CHN2: variants seen among roughly 807,000 people sequenced by gnomAD.
The protein encoded by CHN2 is chimerin 2.
In CHN2, 35 loss-of-function variants were observed where a neutral mutation model predicts 56.3. The observed-to-expected ratio is 0.62, with a 90% CI of 0.47 to 0.82. The LOEUF (loss-of-function observed/expected upper bound fraction) is 0.82. Among genes scored for constraint, CHN2 ranks in the 40% least tolerant of loss-of-function variants. The probability of loss-of-function intolerance (pLI) is 0.00; values close to 1 mark genes in which losing one functional copy is unlikely to be tolerated. For synonymous variants in CHN2, 210 were observed against 212.8 expected (o/e 0.99, Z 0.12); for missense variants, 491 against 580.5 (o/e 0.85, Z 1.58).
intron 6 of CHN2, among the ~76,000 whole-genome samples, chr7:29,443,519 G>C (rs1783823456): frequency 6.6e-6 from 1 of 152,136 alleles, no homozygotes; most frequent in Non-Finnish European, 1.5e-5. Flanking sequence ...CTATGTGTGT[G>C]TGTGTATATA....
chr7:29,309,102 T>C (rs145737855), intron 1 of CHN2, among the ~76,000 whole-genome samples: 1 of 152,340 alleles, frequency 6.6e-6, no homozygotes, highest in African/African-American at 2.4e-5. Flanking sequence ...GGGTATCCAC[T>C]ATTATAGCAA....
chr7:29,352,474 C>A (rs1215289466), intron 1 of CHN2, among the ~76,000 whole-genome samples: 1 of 152,142 alleles, frequency 6.6e-6, no homozygotes, highest in East Asian at 1.9e-4. Context: ...GTAATCCCAG[C>A]ACTTTGAGAG....
chr7:29,299,607 G>A (rs1022646937), intron 1 of CHN2, among the ~76,000 whole-genome samples: 5 of 149,296 alleles, frequency 3.3e-5, no homozygotes, highest in Non-Finnish European at 7.4e-5. Flanking sequence ...TAATAGTTCT[G>A]GAAAGCACAA....
chr7:29,407,332 G>T (rs958217142), intron 6 of CHN2, among the ~76,000 whole-genome samples: 5 of 151,984 alleles, frequency 3.3e-5, no homozygotes, highest in Admixed American at 2.0e-4. Context: ...TGTGGAGGGG[G>T]TCTTGGTCCT....
chr7:29,412,320 CTTTTTTTTTTT>C (rs1158746299), intron 6 of CHN2, among the ~76,000 whole-genome samples: 5 of 69,502 alleles, frequency 7.2e-5, no homozygotes, highest in East Asian at 5.1e-4. Context: ...GCTAAAGAGT[CTTTTTTTTTTT>C]TTTTTTTTTT....
At chr7:29,499,680 A>T (rs1372171980) in intron 8 of CHN2, among the ~76,000 whole-genome samples, 187 bp from the exon 9 acceptor site, 1 of 152,230 alleles carries the variant, frequency 6.6e-6, no homozygotes, top group African/African-American at 2.4e-5. Context: ...ATGGAATCAT[A>T]TAAGGGTTTA....
At chr7:29,412,513 G>A (rs556238020) in intron 6 of CHN2, among the ~76,000 whole-genome samples, 46 of 151,958 alleles carry the variant, frequency 3.0e-4, no homozygotes, top group African/African-American at 6.8e-4. Context: ...TGTATTTTTA[G>A]TAGAGACAGG....
At chr7:29,369,723 CT>C (rs1799459362) in intron 3 of CHN2, among the ~76,000 whole-genome samples, 1 of 152,132 alleles carries the variant, frequency 6.6e-6, no homozygotes, top group African/African-American at 2.4e-5. Context: ...CTTACAAACT[CT>C]TCCTAGAGTT....
intron 1 of CHN2, among the ~76,000 whole-genome samples, chr7:29,293,372 C>G (rs58143015): frequency 9.9e-5 from 12 of 121,464 alleles, no homozygotes; most frequent in Admixed American, 2.3e-4. Flanking sequence ...GCCCCCCCCC[C>G]CCCCCATATT....
At chr7:29,306,545 G>A (rs1446958362) in intron 1 of CHN2, among the ~76,000 whole-genome samples, 15 of 152,168 alleles carry the variant, frequency 9.9e-5, no homozygotes, top group Admixed American at 9.8e-4. Flanking sequence ...GGCTGTGGCA[G>A]GAAAGGGGGA....
At chr7:29,183,413 G>A (rs1331988775) in intron 2 of CHN2, among the ~76,000 whole-genome samples, 3 of 148,956 alleles carry the variant, frequency 2.0e-5, no homozygotes, top group Admixed American at 6.8e-5. Flanking sequence ...GTCTTGCTCT[G>A]TTGCCCAGGC....
intron 6 of CHN2, among the ~76,000 whole-genome samples, chr7:29,424,982 T>C (rs12700962): frequency 0.77 from 116,557 of 152,192 alleles, 45,093 homozygotes; most frequent in African/African-American, 0.81. Flanking sequence ...GACCAAGCTT[T>C]GGCTTGGTGC....
chr7:29,324,006 AAAAAC>A (rs1024863114), intron 1 of CHN2, among the ~76,000 whole-genome samples: 8 of 152,032 alleles, frequency 5.3e-5, no homozygotes, highest in Non-Finnish European at 1.0e-4. Flanking sequence ...CCCGTCTCAA[AAAAAC>A]AAAACAAAAC....
chr7:29,301,353 AC>A (rs1793640533), intron 1 of CHN2, among the ~76,000 whole-genome samples: 1 of 129,560 alleles, frequency 7.7e-6, no homozygotes, highest in Non-Finnish European at 1.7e-5. Flanking sequence ...ACACACACAC[AC>A]ACACACACAC....
intron 6 of CHN2, among the ~76,000 whole-genome samples, chr7:29,405,270 C>T (rs530668841): frequency 4.2e-4 from 64 of 151,096 alleles, no homozygotes; most frequent in African/African-American, 1.2e-3. Context: ...CAGCTCAACC[C>T]GATGCTGATA....
At chr7:29,433,013 C>A (rs1271401486) in intron 6 of CHN2, among the ~76,000 whole-genome samples, 2 of 152,156 alleles carry the variant, frequency 1.3e-5, no homozygotes, top group Non-Finnish European at 2.9e-5. Flanking sequence ...AAAAAGAATT[C>A]TTGCACGGAT....
At chr7:29,185,605 T>C (rs1798608305) in intron 2 of CHN2, 2 of 146,672 alleles carry the variant, frequency 1.4e-5, no homozygotes, top group Admixed American at 1.3e-4. Context: ...CACCTGGGAA[T>C]TAAAAAAAAA....
chr7:29,436,507 AT>A (rs1416502902), intron 6 of CHN2, among the ~76,000 whole-genome samples: 1 of 152,116 alleles, frequency 6.6e-6, no homozygotes, highest in Admixed American at 6.5e-5. Flanking sequence ...TTGGAGTTTC[AT>A]TTCAGTCCCC....
At chr7:29,400,989 T>G (rs1802155254) in intron 6 of CHN2, 161 bp downstream of exon 6, 1 of 715,094 alleles carries the variant, frequency 1.4e-6, no homozygotes, top group Non-Finnish European at 2.3e-6. Flanking sequence ...ATCTTCTAGC[T>G]CAGGCCGGGC....
Sources: gnomAD v4.1 joint callset for allele counts (sites outside exome capture counted in the v4.1 genomes callset) on GRCh38, gnomAD v4.1.1 for gene constraint, MANE v1.5 for transcripts, NCBI Gene and HGNC (gene_info 2026-07-23, HGNC 2026-07-21) for gene names.